The following SKI variants were observed in gnomAD, a reference collection of about 807,000 sequenced individuals.
The protein encoded by SKI is ski oncogene.
SKI carries 23 observed loss-of-function variants against 59.3 expected under a neutral mutation model. That is an observed-to-expected ratio of 0.39 (90% CI 0.28 to 0.55). The LOEUF is 0.55. Ranked by LOEUF, SKI falls within the 20% of genes least tolerant of loss-of-function variation. The probability of loss-of-function intolerance (pLI) is 0.67; values close to 1 mark genes in which losing one functional copy is unlikely to be tolerated. For missense variants in SKI, 1,017 were observed against 1,038.9 expected (o/e 0.98, Z 0.29); for synonymous variants, 673 against 488.6 (o/e 1.38, Z -4.98).
rs533797830 is a variant in SKI, at chr1:2,262,019, C to G, written c.969+32284C>G. On this transcript the variant is annotated intron_variant, in intron 1 of 6. Coordinates refer to ENST00000378536, the MANE Select transcript of SKI (RefSeq NM_003036.4). ...GGTGGGAGTGGTGGGAGTGGACGCC[C>G]TCGCTCCTGATCTCCTGATCTCCTG... Among the ~76,000 whole-genome samples the G allele has an allele frequency of 4.4e-4, 55 of 125,714 alleles. 1 individual carries two copies. Among genetic ancestry groups the G allele is most frequent in the African/African-American group, 1.5e-3 (49 of 32,182 alleles). The allele number at this position is 125,714 out of a possible 152,430, so 82.5% of individuals were successfully genotyped here.
In SKI at chr1:2,269,347, C is replaced by T. The variant is rs555287023; in HGVS notation, c.970-33631C>T. On this transcript the variant is annotated intron_variant, in intron 1 of 6. Transcript: ENST00000378536. This position sits in a 1 kb window ranked among gnomAD's most constrained non-coding sequence, Gnocchi z 4.7. ...GACTAAGGGGCTGTTAGGACAGAGA[C>T]AGTGGGTTTTGCAGTGATGTGAGCT... 2.0e-4 allele frequency among the ~76,000 whole-genome samples: 31 copies of T among 152,344 alleles called. No homozygotes were observed. The South Asian group carries it at 6.0e-3, about 29-fold the overall frequency.
chr1:2,299,696 A>G (rs1640377287), intron 1 of SKI, among the ~76,000 whole-genome samples: 1 of 151,762 alleles, frequency 6.6e-6, no homozygotes, highest in Admixed American at 6.6e-5. Flanking sequence ...CAGTTCTGTG[A>G]CCTCCAGACT....
intron 1 of SKI, among the ~76,000 whole-genome samples, chr1:2,266,031 A>C (rs1416892309): frequency 6.6e-6 from 1 of 152,068 alleles, no homozygotes; most frequent in Non-Finnish European, 1.5e-5. Flanking sequence ...AGTTATTTGG[A>C]GGCAGCTTGA....
chr1:2,254,867 TTC>T (rs911082388), intron 1 of SKI, among the ~76,000 whole-genome samples: 12 of 152,286 alleles, frequency 7.9e-5, no homozygotes, highest in African/African-American at 2.9e-4. Context: ...TCTGGGGGGT[TTC>T]TGAGGGTGGA....
At position 2,306,808 on chromosome 1, in the gene SKI, AG is replaced by A. The variant is rs1322310334; in HGVS notation, c.*49del. Reference sequence around the variant, plus strand: ...GCAGCGCCGCCGACAACGCGGGTGCAGGGGGGCGCGGCTGGGCGGTGCAGCT... The same window carrying A: ...GCAGCGCCGCCGACAACGCGGGTGCAGGGGGCGCGGCTGGGCGGTGCAGCT... On this transcript the variant is annotated 3_prime_UTR_variant, in exon 7 of 7. Coordinates refer to ENST00000378536, the MANE Select transcript of SKI (RefSeq NM_003036.4). 10 of 1,392,526 alleles carry A rather than the reference AG, an allele frequency of 7.2e-6. No homozygotes were observed. Among genetic ancestry groups the A allele is most frequent in the Admixed American group, 6.2e-5 (2 of 32,398 alleles). 86.3% of individuals were successfully genotyped at this position (1,392,526 alleles called of 1,614,324 possible). A position where few individuals can be genotyped will look rare whatever the true frequency, so the allele number is the denominator to read the frequency against.
chr1:2,303,171 C>T lies in SKI; in HGVS notation c.1095+68C>T, dbSNP rs1013947398. On this transcript the variant is annotated intron_variant, in intron 2 of 6. Transcript: ENST00000378536. The surrounding 1 kb of genome is among the most constrained non-coding windows in gnomAD (Gnocchi z 5.6). The stretch of plus-strand genomic sequence containing the variant: ...GGCCCTTCTCCTTGGGCAGACCCAG[C>T]GGCTGGCAGCTCCACCTGCCCGCTA... The T allele has an allele frequency of 2.3e-5, 37 of 1,605,698 alleles. No individual in the cohort carries two copies. The highest frequency in any genetic ancestry group is 8.0e-5 in the African/African-American group (6 of 74,798).
At chr1:2,260,144 TC>T (rs991041899) in intron 1 of SKI, among the ~76,000 whole-genome samples, 3 of 152,230 alleles carry the variant, frequency 2.0e-5, no homozygotes, top group African/African-American at 7.2e-5. Context: ...GAGTGAGAGT[TC>T]CTGCTGCTCC....
At chr1:2,239,067 T>A (rs1164669148) in intron 1 of SKI, among the ~76,000 whole-genome samples, 1 of 152,230 alleles carries the variant, frequency 6.6e-6, no homozygotes, top group African/African-American at 2.4e-5. Flanking sequence ...CCGCCTTTCC[T>A]GGCTACAACC....
intron 1 of SKI, among the ~76,000 whole-genome samples, chr1:2,254,008 G>A (rs1211106304): frequency 6.6e-6 from 1 of 152,242 alleles, no homozygotes; most frequent in Admixed American, 6.5e-5. Flanking sequence ...ACGGCGGCAA[G>A]GGCCACGTGC....
chr1:2,241,122 A>G (rs1192703894), intron 1 of SKI, among the ~76,000 whole-genome samples: 1 of 152,228 alleles, frequency 6.6e-6, no homozygotes, highest in Non-Finnish European at 1.5e-5. Context: ...TGCGGGCTCC[A>G]TCACTTCACT....
In SKI at chr1:2,228,324, T is replaced by A. The variant is rs1357235416; in HGVS notation, c.-443T>A. Among the ~76,000 whole-genome samples, 1 of 138,392 alleles carries A rather than the reference T, an allele frequency of 7.2e-6. No homozygotes were observed. Among genetic ancestry groups the A allele is most frequent in the Non-Finnish European group, 1.6e-5 (1 of 63,374 alleles). The allele number at this position is 138,392 out of a possible 152,430, so 90.8% of individuals were successfully genotyped here. A position where few individuals can be genotyped will look rare whatever the true frequency, so the allele number is the denominator to read the frequency against. On this transcript the variant is annotated 5_prime_UTR_variant, in exon 1 of 7. Coordinates refer to ENST00000378536, the MANE Select transcript of SKI (RefSeq NM_003036.4). ...GGCCCCGCGCCCGCGCCCCCGCTCC[T>A]CCCGGGCCCCTCGGCCTCGGCCGCC...
intron 1 of SKI, among the ~76,000 whole-genome samples, chr1:2,287,581 C>T (rs770803508): frequency 9.9e-5 from 15 of 152,072 alleles, no homozygotes; most frequent in Non-Finnish European, 1.8e-4. Context: ...TATCCAAGTC[C>T]AAATAGCAGT....
intron 1 of SKI, among the ~76,000 whole-genome samples, chr1:2,242,477 C>T (rs1282538382): frequency 6.6e-6 from 1 of 152,120 alleles, no homozygotes; most frequent in African/African-American, 2.4e-5. Flanking sequence ...GAGTGGGTGT[C>T]CCTGCCCTCA....
rs1639602375 is a variant in SKI at position 2,270,927 on chromosome 1, C to T, written c.970-32051C>T. 6.6e-6 allele frequency among the ~76,000 whole-genome samples: 1 copy of T among 152,234 alleles called. No homozygotes were observed. On this transcript the variant is annotated intron_variant, in intron 1 of 6. Transcript: ENST00000378536. The surrounding 1 kb of genome is among the most constrained non-coding windows in gnomAD (Gnocchi z 4.1). ...CCCAGGCTGGACCAGCTGCCCATGTCACCAGGCCAGGCGCTTTCCCTGTGA... is the reference window on the plus strand; with the variant it reads ...CCCAGGCTGGACCAGCTGCCCATGTTACCAGGCCAGGCGCTTTCCCTGTGA...
rs1158589836 is a variant in SKI, at chr1:2,228,915, A to T, written c.149A>T (p.Glu50Val). The T allele has an allele frequency of 7.8e-6, 11 of 1,404,430 alleles. No homozygotes were observed. Among genetic ancestry groups the T allele is most frequent in the Non-Finnish European group, 9.3e-6 (10 of 1,073,386 alleles). 87.0% of individuals were successfully genotyped at this position (1,404,430 alleles called of 1,614,324 possible). ...ARWAQEAYKK[E>V]SAKEAGAAAV... The stretch of plus-strand genomic sequence containing the variant: ...TGGGCGCAGGAGGCCTACAAGAAGG[A>T]GAGCGCCAAGGAGGCGGGCGCGGCC... Residue 50 changes from glutamate to valine, a missense_variant, in exon 1 of 7, where the codon GAG (glutamate) becomes GTG (valine). Physicochemically the swap from Glu to Val is moderately radical, Grantham distance 121 (BLOSUM62 -2). Coordinates refer to ENST00000378536, the MANE Select transcript of SKI (RefSeq NM_003036.4).
chr1:2,245,851 C>A (rs1486578152), intron 1 of SKI, among the ~76,000 whole-genome samples: 2 of 124,680 alleles, frequency 1.6e-5, no homozygotes, highest in East Asian at 5.6e-4. Context: ...GGCCAGAGTG[C>A]GGTGGCACAG....
At chr1:2,235,190 T>C (rs1385693392) in intron 1 of SKI, among the ~76,000 whole-genome samples, 1 of 151,998 alleles carries the variant, frequency 6.6e-6, no homozygotes, top group Non-Finnish European at 1.5e-5. Flanking sequence ...TACAGATGTG[T>C]GCCACCACAC....
At chr1:2,294,115 C>T (rs1011224262) in intron 1 of SKI, among the ~76,000 whole-genome samples, 2 of 152,122 alleles carry the variant, frequency 1.3e-5, no homozygotes, top group Non-Finnish European at 2.9e-5. Flanking sequence ...CCTGAGAAGC[C>T]GATGTGATAG....
intron 1 of SKI, among the ~76,000 whole-genome samples, chr1:2,261,677 C>T (rs576842202): frequency 3.9e-5 from 6 of 152,308 alleles, no homozygotes; most frequent in African/African-American, 1.4e-4. Context: ...ATGATCATGT[C>T]GTCTGCAGTA....
Sources: gnomAD v4.1 joint callset for allele counts (sites outside exome capture counted in the v4.1 genomes callset) on GRCh38, gnomAD v4.1.1 for gene constraint, Gnocchi (gnomAD v3.1) non-coding constraint, MANE v1.5 for transcripts, NCBI Gene and HGNC (gene_info 2026-07-23, HGNC 2026-07-21) for gene names.